SHANK2: variants seen among roughly 807,000 people sequenced by gnomAD.
The protein encoded by SHANK2 is SH3 and multiple ankyrin repeat domains 2, also known as SH3 and multiple ankyrin repeat domains protein 2.
Under a neutral mutation model 133.7 loss-of-function variants are expected in SHANK2, and 43 were observed. The ratio of observed to expected loss-of-function variants is 0.32; its 90% CI spans 0.25 to 0.41. The LOEUF (loss-of-function observed/expected upper bound fraction) is 0.41. Ranked by LOEUF, SHANK2 falls within the 10% of genes least tolerant of loss-of-function variation. The pLI is 1.00. For missense variants in SHANK2, 1,994 were observed against 2,235.8 expected (o/e 0.89, Z 2.18); for synonymous variants, 1,017 against 952.8 (o/e 1.07, Z -1.24).
chr11:70,650,420 A>C (rs2061326177), intron 17 of SHANK2, among the ~76,000 whole-genome samples: 1 of 152,178 alleles, frequency 6.6e-6, no homozygotes, highest in African/African-American at 2.4e-5. Context: ...GGCTGCATCC[A>C]ATCCTCCCAG....
At chr11:70,777,482 A>G (rs1344179390) in intron 14 of SHANK2, among the ~76,000 whole-genome samples, 1 of 142,508 alleles carries the variant, frequency 7.0e-6, no homozygotes, top group East Asian at 2.1e-4. Flanking sequence ...CATCCATCTG[A>G]TCACCCACCC....
intron 17 of SHANK2, among the ~76,000 whole-genome samples, chr11:70,584,477 C>T (rs1414559359): frequency 6.6e-6 from 1 of 152,154 alleles, no homozygotes; most frequent in South Asian, 2.1e-4. Flanking sequence ...CCCCACCCCT[C>T]CTCTATCCGG....
chr11:70,868,236 A>G (rs564661806), intron 11 of SHANK2, among the ~76,000 whole-genome samples: 58 of 152,210 alleles, frequency 3.8e-4, no homozygotes, highest in African/African-American at 1.3e-3. Context: ...ATAGACACAG[A>G]GGCTGAGGGG....
intron 14 of SHANK2, among the ~76,000 whole-genome samples, chr11:70,725,344 G>T (rs976060902): frequency 6.6e-6 from 1 of 152,190 alleles, no homozygotes; most frequent in East Asian, 1.9e-4. Flanking sequence ...AACATTTGCG[G>T]ACTCTTAAAA....
intron 10 of SHANK2, among the ~76,000 whole-genome samples, chr11:70,921,950 T>C (rs1303380388): frequency 3.9e-5 from 6 of 152,042 alleles, no homozygotes; most frequent in African/African-American, 7.2e-5. Flanking sequence ...AAACAGTCAA[T>C]AGAAACAGAC....
chr11:71,222,644 C>T (rs1460929850), intron 2 of SHANK2, among the ~76,000 whole-genome samples: 3 of 152,200 alleles, frequency 2.0e-5, no homozygotes, highest in Admixed American at 6.5e-5. Context: ...GTCCAAGCTC[C>T]GAGGAAGCCA....
rs2058590494 is a variant in SHANK2, at chr11:70,470,885, T to C, written c.*1984A>G. On this transcript the variant is annotated 3_prime_UTR_variant, in exon 26 of 26. Coordinates refer to ENST00000601538, the MANE Select transcript of SHANK2 (RefSeq NM_012309.5). ...GTGGTGTGTGTTTTGTTTTTGTTTT[T>C]GGAGAAACTGCTGCATTATGAATTG... The C allele has an allele frequency of 1.2e-5, 2 of 163,750 alleles. No homozygotes were observed. Among genetic ancestry groups the C allele is most frequent in the African/African-American group, 2.4e-5 (1 of 42,058 alleles). The allele number at this position is 163,750 out of a possible 1,614,324, so 10.1% of individuals were successfully genotyped here.
intron 6 of SHANK2, among the ~76,000 whole-genome samples, chr11:71,099,393 G>C (rs1333131886): frequency 6.6e-6 from 1 of 152,152 alleles, no homozygotes; most frequent in East Asian, 1.9e-4. Flanking sequence ...ATGCTGATAA[G>C]GGGGGAAGCT....
chr11:71,061,166 C>A (rs1950981956), intron 9 of SHANK2, among the ~76,000 whole-genome samples: 1 of 152,242 alleles, frequency 6.6e-6, no homozygotes, highest in South Asian at 2.1e-4. Flanking sequence ...CAAACTACGG[C>A]CCTTGGGCCT....
chr11:71,209,388 C>G (rs1954201859), intron 2 of SHANK2, among the ~76,000 whole-genome samples: 1 of 152,244 alleles, frequency 6.6e-6, no homozygotes, highest in Admixed American at 6.5e-5. Flanking sequence ...ACGTGCAGGG[C>G]TGACCCAGGA....
At chr11:70,544,455 C>T (rs910983826) in intron 17 of SHANK2, among the ~76,000 whole-genome samples, 12 of 152,212 alleles carry the variant, frequency 7.9e-5, no homozygotes, top group African/African-American at 1.2e-4. Flanking sequence ...CTGTGAGACC[C>T]GGAGCAGCTG....
At position 70,500,526 on chromosome 11, in the gene SHANK2, G is replaced by A. The variant is rs782582535; in HGVS notation, c.2308+44C>T. On this transcript the variant is annotated intron_variant, in intron 21 of 25. Transcript: ENST00000601538. The surrounding 1 kb of genome is among the most constrained non-coding windows in gnomAD (Gnocchi z 4.5). ...CAAAGGATGTTTCTGTTCCACAGGG[G>A]GGTGATGGGCAGGGGGCTGAGACAG... 6.3e-7 allele frequency: 1 copy of A among 1,590,100 alleles called. No homozygotes were observed. The highest frequency in any genetic ancestry group is 1.3e-5 in the African/African-American group (1 of 74,650).
chr11:70,558,937 G>A (rs1378224985), intron 17 of SHANK2, among the ~76,000 whole-genome samples: 1 of 152,182 alleles, frequency 6.6e-6, no homozygotes, highest in African/African-American at 2.4e-5. Context: ...AGATGTGCTC[G>A]GGGCAATGTG....
intron 17 of SHANK2, among the ~76,000 whole-genome samples, chr11:70,532,925 G>A (rs1311241730): frequency 5.3e-5 from 8 of 150,996 alleles, no homozygotes; most frequent in Non-Finnish European, 8.8e-5. Context: ...CTCACAGAAA[G>A]GAATGAAATG....
intron 12 of SHANK2, among the ~76,000 whole-genome samples, chr11:70,812,243 C>A (rs1297466542): frequency 3.3e-5 from 5 of 152,242 alleles, no homozygotes; most frequent in African/African-American, 1.2e-4. Context: ...CCATCAACCC[C>A]AGAGCCTGGG....
chr11:70,846,603 C>T (rs1949000851), intron 11 of SHANK2, among the ~76,000 whole-genome samples: 1 of 152,168 alleles, frequency 6.6e-6, no homozygotes, highest in Non-Finnish European at 1.5e-5. Context: ...CACAGGTCAA[C>T]TGCTGGTGTC....
chr11:71,092,841 G>C (rs1321748001), intron 7 of SHANK2, among the ~76,000 whole-genome samples: 1 of 152,154 alleles, frequency 6.6e-6, no homozygotes, highest in Non-Finnish European at 1.5e-5. Context: ...AGGAGTTCAA[G>C]ACCAGCCTGG....
chr11:70,952,973 C>T (rs1298092195), intron 10 of SHANK2, among the ~76,000 whole-genome samples: 2 of 152,096 alleles, frequency 1.3e-5, no homozygotes, highest in African/African-American at 2.4e-5. Context: ...GAGGGTCCTT[C>T]CCAACCTCCT....
At chr11:71,147,526 C>T (rs1336023863) in intron 2 of SHANK2, among the ~76,000 whole-genome samples, 188 bp from the exon 3 acceptor site, 9 of 152,260 alleles carry the variant, frequency 5.9e-5, no homozygotes, top group South Asian at 2.1e-4. Flanking sequence ...GGACACAAGT[C>T]GGCACCGCCT....
Sources: allele counts gnomAD v4.1 joint callset (sites outside exome capture counted in the v4.1 genomes callset), GRCh38; gene constraint gnomAD v4.1.1; non-coding constraint Gnocchi (gnomAD v3.1); transcripts MANE v1.5; gene names NCBI Gene and HGNC (gene_info 2026-07-23, HGNC 2026-07-21).